Variants in FLNB observed in about 807,000 individuals in gnomAD.
FLNB encodes the protein filamin B.
Under a neutral mutation model 250.6 loss-of-function variants are expected in FLNB, and 111 were observed. That is an observed-to-expected ratio of 0.44 (90% confidence interval 0.38 to 0.52). The LOEUF is 0.52. Among genes scored for constraint, FLNB ranks in the 20% least tolerant of loss-of-function variants. The pLI is 0.00. For missense variants in FLNB, 2,869 were observed against 3,447.8 expected, an observed-to-expected ratio of 0.83 and a Z score of 4.20; for synonymous variants, 1,302 against 1,372.1, an observed-to-expected ratio of 0.95 and a Z score of 1.13.
chr3:58,073,149 C>CTATTTATTTATT (rs55987295), intron 1 of FLNB, among the ~76,000 whole-genome samples: 21,105 of 145,560 alleles, frequency 0.14, 1,674 homozygotes, highest in Middle Eastern at 0.18. Context: ...AGTATACCCA[C>CTATTTATTTATT]TATTTATTTA....
chr3:58,151,232 A>C (rs2097344279), intron 38 of FLNB: 2 of 151,934 alleles, frequency 1.3e-5, no homozygotes, highest in Admixed American at 1.3e-4. Context: ...TCTCTTCTAA[A>C]AATACAAAAA....
At chr3:58,094,572 T>TA (rs2097234602) in intron 4 of FLNB, among the ~76,000 whole-genome samples, 1 of 152,236 alleles carries the variant, frequency 6.6e-6, no homozygotes, top group Non-Finnish European at 1.5e-5. Context: ...TACTACTTAT[T>TA]AACCACATTA....
intron 1 of FLNB, among the ~76,000 whole-genome samples, chr3:58,055,988 T>G (rs2097169717): frequency 6.6e-6 from 1 of 152,136 alleles, no homozygotes; most frequent in South Asian, 2.1e-4. Flanking sequence ...AAATCTGATT[T>G]CTTTGGTGAT....
In FLNB at chr3:58,163,343, T is replaced by G; in HGVS notation, c.7198+13T>G. 1.2e-6 allele frequency: 2 copies of G among 1,613,778 alleles called. No homozygotes were observed. Among genetic ancestry groups the G allele is most frequent in the Non-Finnish European group, 1.7e-6 (2 of 1,179,798 alleles). On this transcript the variant is annotated intron_variant, in intron 43 of 45. Coordinates refer to ENST00000295956, the MANE Select transcript of FLNB (RefSeq NM_001457.4). ...GGGGGCACCACAGGTAACCCACTCT[T>G]CTGCTTCTTGAAGCCTTAACTGAAC...
chr3:58,110,233 G>A, intron 16 of FLNB, 63 bp downstream of exon 16: 6 of 1,510,846 alleles, frequency 4.0e-6, no homozygotes, highest in Non-Finnish European at 5.5e-6. Context: ...GGCCACTTGT[G>A]TGCATGTCTC....
chr3:58,050,231 T>C (rs1226930852), intron 1 of FLNB, among the ~76,000 whole-genome samples: 1 of 152,058 alleles, frequency 6.6e-6, no homozygotes, highest in African/African-American at 2.4e-5. Flanking sequence ...GGTTTCACCA[T>C]GTTGGCCAGG....
rs2097288510 is a variant in FLNB, at chr3:58,121,382, G to C, written c.3005G>C (p.Ser1002Thr). Residue 1002 changes from serine to threonine, a missense_variant, in exon 20 of 46, where the codon AGC becomes ACC. Around this residue, in one of 5 missense-constraint regions of FLNB, gnomAD observed 1,348 missense variants for 1,466.7 expected, o/e 0.92. Coordinates refer to ENST00000295956, the MANE Select transcript of FLNB (RefSeq NM_001457.4). ...ACACCTGTGACAGGCCGGGAGAACA[G>C]CACGGCCAAGTTCATCCCTCGGGAG... Reference protein sequence around the residue: ...LVTPVTGRENSTAKFIPREEG... With the variant: ...LVTPVTGRENTTAKFIPREEG... 6.2e-7 allele frequency: 1 copy of C among 1,614,172 alleles called. No individual in the cohort carries two copies. Among genetic ancestry groups the C allele is most frequent in the African/African-American group, 1.3e-5 (1 of 75,024 alleles).
chr3:58,035,086 G>A (rs2097136174), intron 1 of FLNB, among the ~76,000 whole-genome samples: 1 of 152,148 alleles, frequency 6.6e-6, no homozygotes, highest in Non-Finnish European at 1.5e-5. Flanking sequence ...GGTGTTTCAC[G>A]TGGCTTCCTG....
chr3:58,170,646 G>A lies in FLNB; in HGVS notation c.7693G>A (p.Gly2565Ser). ...CGAGGAGGTCTCCATGAAGCATGTA[G>A]GCAACCAGCAATACAACGTCACATA... is the stretch of plus-strand genomic sequence containing the variant. The part of the protein sequence containing the change: ...PCEEVSMKHV[G>S]NQQYNVTYVV... Residue 2565 changes from glycine (G) to serine (S), a missense_variant, in exon 46 of 46, where the codon GGC becomes AGC. Gly to Ser is a moderately conservative substitution (Grantham distance 56). Around this residue, in one of 5 missense-constraint regions of FLNB, gnomAD observed 1,084 missense variants for 1,315.5 expected, o/e 0.82. Transcript: ENST00000295956. 4.3e-6 allele frequency: 7 copies of A among 1,614,146 alleles called. No individual in the cohort carries two copies. Among genetic ancestry groups the A allele is most frequent in the Non-Finnish European group, 5.9e-6 (7 of 1,180,036 alleles).
Position 58,148,671 on chromosome 3 carries a change from A to G in FLNB, c.5910A>G (p.Glu1970=), listed in dbSNP as rs1040387173. ...NHIGISFIPR[E]VGEHLVSIKK... is the part of the protein sequence containing the mutation. ...CAGGCATCTCCTTCATCCCCCGGGA[A>G]GTGGGCGAACATCTGGTCAGCATCA... The change falls in exon 36 of 46, where the codon GAA becomes GAG. Residue 1970 remains glutamate, a synonymous_variant. Transcript: ENST00000295956. 1 of 1,613,972 alleles carries G rather than the reference A, an allele frequency of 6.2e-7. No individual in the cohort carries two copies. Among genetic ancestry groups the G allele is most frequent in the African/African-American group, 1.3e-5 (1 of 74,912 alleles).
At position 58,108,514 on chromosome 3, in the gene FLNB, C is replaced by T. The variant is rs143161769; in HGVS notation, c.1998C>T (p.Ala666=). The change falls in exon 13 of 46, where the codon GCC becomes GCT. Residue 666 remains alanine (A), a synonymous_variant. Transcript: ENST00000295956. ...CTGGATGCATTGTCAACAACCTGGC[C>T]GAGTTCACTGTGGATCCTAAGGATG... ...EKSGCIVNNL[A]EFTVDPKDAG... 2,165 of 1,614,022 alleles carry T rather than the reference C, an allele frequency of 1.3e-3. 3 individuals carry two copies. The highest frequency in any genetic ancestry group is 1.7e-3 in the Non-Finnish European group (2,060 of 1,179,980).
intron 4 of FLNB, among the ~76,000 whole-genome samples, chr3:58,083,367 C>CTTTTTTTTTT (rs71091341): frequency 1.1e-5 from 1 of 91,488 alleles, no homozygotes; most frequent in Non-Finnish European, 2.1e-5. Flanking sequence ...TCAGCTTAGT[C>CTTTTTTTTTT]TTTTTTTTTT....
At chr3:58,045,932 G>T (rs1364093800) in intron 1 of FLNB, among the ~76,000 whole-genome samples, 1 of 149,124 alleles carries the variant, frequency 6.7e-6, no homozygotes, top group Admixed American at 6.8e-5. Context: ...CCCAGGAGGT[G>T]GAGGTTGCAG....
In FLNB at chr3:58,106,865, C is replaced by T. The variant is rs1229062561; in HGVS notation, c.1933C>T (p.Pro645Ser). 1 of 1,613,384 alleles carries T rather than the reference C, an allele frequency of 6.2e-7. No homozygotes were observed. The highest frequency in any genetic ancestry group is 8.5e-7 in the Non-Finnish European group (1 of 1,179,778). ...FIHPATGGYN[P>S]DLVRAYGPGL... ...CCACCCAGCCACGGGAGGCTACAAC[C>T]CTGATCTGGTGAATCAGCTGCTGTG... is the stretch of plus-strand genomic sequence containing the variant. Residue 645 changes from proline (P) to serine (S), a missense_variant, in exon 12 of 46, where the codon CCT becomes TCT. Physicochemically the swap from Pro to Ser is moderately conservative, Grantham distance 74. This residue lies in a region of FLNB where 1,348 missense variants were observed against 1,466.7 expected (regional missense o/e 0.92). Transcript: ENST00000295956.
intron 6 of FLNB, among the ~76,000 whole-genome samples, chr3:58,097,078 A>C (rs1185992998): frequency 4.6e-5 from 7 of 152,158 alleles, no homozygotes; most frequent in East Asian, 1.9e-4. Flanking sequence ...CCAGGAGTAC[A>C]CTTTTCATTG....
chr3:58,040,583 C>A (rs959829638), intron 1 of FLNB, among the ~76,000 whole-genome samples: 3 of 152,214 alleles, frequency 2.0e-5, no homozygotes, highest in Admixed American at 1.3e-4. Context: ...CAACCTCCGT[C>A]TCACTGGTTC....
chr3:58,096,152 C>A lies in FLNB; in HGVS notation c.918C>A (p.Thr306=). 1 of 1,613,756 alleles carries A rather than the reference C, an allele frequency of 6.2e-7. No homozygotes were observed. Among genetic ancestry groups the A allele is most frequent in the East Asian group, 2.2e-5 (1 of 44,874 alleles). Residue 306 remains threonine, a synonymous_variant, in exon 6 of 46, where the codon ACC becomes ACA. Transcript: ENST00000295956. The part of the protein sequence containing the change: ...PEGNKEEAQV[T]PDSDKNKTYS... ...ACCTTCCCTCCTAGGCACAAGTGACCCCTGACAGTGACAAGAACAAGACAT... is the reference window on the plus strand; with the variant it reads ...ACCTTCCCTCCTAGGCACAAGTGACACCTGACAGTGACAAGAACAAGACAT...
chr3:58,154,772 G>C lies in FLNB; in HGVS notation c.6635-19G>C, dbSNP rs369212200. On this transcript the variant is annotated intron_variant, in intron 39 of 45. Transcript: ENST00000295956. The stretch of plus-strand genomic sequence containing the variant: ...CTCTGTGGGGCTCAGTCACTAACCA[G>C]GTTTCTCTTTGCTCTCAGCTGAGTT... 2 of 1,613,590 alleles carry C rather than the reference G, an allele frequency of 1.2e-6. No individual in the cohort carries two copies. The highest frequency in any genetic ancestry group is 8.5e-7 in the Non-Finnish European group (1 of 1,179,900).
chr3:58,086,129 C>T lies in FLNB; in HGVS notation c.787+4353C>T, dbSNP rs375920109. ...TCCCTCCTCAGCTTCCCTAGTAGTT[C>T]GGACCACAGGTGTGCACCACCATGT... On this transcript the variant is annotated intron_variant, in intron 4 of 45. Transcript: ENST00000295956. Among the ~76,000 whole-genome samples the T allele has an allele frequency of 7.9e-4, 119 of 150,362 alleles. 2 individuals carry two copies. In the South Asian group the frequency reaches 0.024, roughly 31 times the overall value.
Sources: gnomAD v4.1 joint callset for allele counts (sites outside exome capture counted in the v4.1 genomes callset) on GRCh38, gnomAD v4.1.1 for gene constraint, gnomAD v4.1.1 regional missense constraint, MANE v1.5 for transcripts, NCBI Gene and HGNC (gene_info 2026-07-23, HGNC 2026-07-21) for gene names.